PDE1C: variants seen among roughly 807,000 people sequenced by gnomAD.
PDE1C encodes the protein phosphodiesterase 1C, also known as dual specificity calcium/calmodulin-dependent 3',5'-cyclic nucleotide phosphodiesterase 1C.
A neutral mutation model predicts 93.1 loss-of-function variants in PDE1C; 62 were observed. The observed-to-expected ratio is 0.67, with a 90% CI of 0.54 to 0.82. The LOEUF is 0.82. Among genes scored for constraint, PDE1C ranks in the 40% least tolerant of loss-of-function variants. PDE1C has a pLI of 0.00. For synonymous variants in PDE1C, 325 were observed against 310.1 expected (o/e 1.05, Z -0.50); for missense variants, 742 against 884.6 (o/e 0.84, Z 2.04).
chr7:32,350,560 A>AG (rs1562686433), intron 1 of PDE1C, among the ~76,000 whole-genome samples: 46 of 814 alleles, frequency 0.057, 22 homozygotes, highest in Non-Finnish European at 0.15. Flanking sequence ...ATATATATAT[A>AG]TATATATATA....
At chr7:32,126,536 G>T (rs1041069203) in intron 3 of PDE1C, among the ~76,000 whole-genome samples, 3 of 152,080 alleles carry the variant, frequency 2.0e-5, no homozygotes. Flanking sequence ...AAATAACACA[G>T]GATCTATGAA....
rs115129512 is a variant in PDE1C, at chr7:32,204,837, T to G, written c.136+4652A>C. ...TCCCCGTTCTGACTCTCCCAGCTCC[T>G]CCTACCAATTGCTAGCATTTCCTTC... On this transcript the variant is annotated intron_variant, in intron 2 of 18. Coordinates refer to the PDE1C transcript ENST00000396193. Among the ~76,000 whole-genome samples the G allele has an allele frequency of 9.6e-3, 1,455 of 152,328 alleles. 32 individuals are homozygous for G. The highest frequency in any genetic ancestry group is 0.033 in the African/African-American group (1,364 of 41,578).
chr7:32,186,715 TC>T, intron 2 of PDE1C, among the ~76,000 whole-genome samples: 1 of 152,146 alleles, frequency 6.6e-6, no homozygotes, highest in African/African-American at 2.4e-5. Context: ...AACAGTATAG[TC>T]AGAGAGTATG....
At chr7:32,186,287 A>G (rs1315300141) in intron 2 of PDE1C, among the ~76,000 whole-genome samples, 2 of 151,850 alleles carry the variant, frequency 1.3e-5, no homozygotes, top group African/African-American at 4.8e-5. Context: ...TATTTTTAGT[A>G]GAGACGGGGT....
the PDE1C span, among the ~76,000 whole-genome samples, chr7:31,616,789 T>C: frequency 6.6e-6 from 1 of 151,850 alleles, no homozygotes; most frequent in Admixed American, 6.6e-5. Flanking sequence ...GGTTTCTAAA[T>C]TTCATTTTTT....
chr7:31,697,084 A>G, the PDE1C span: 3 of 1,614,140 alleles, frequency 1.9e-6, no homozygotes, highest in Non-Finnish European at 2.5e-6. Flanking sequence ...GAGAAAAGAC[A>G]CACCTGCCCT....
the PDE1C span, among the ~76,000 whole-genome samples, chr7:31,715,125 A>T: frequency 6.6e-6 from 1 of 152,228 alleles, no homozygotes; most frequent in East Asian, 1.9e-4. Context: ...TGGGTTCCTC[A>T]TGTAAAAATA....
chr7:31,644,313 T>G, the PDE1C span, among the ~76,000 whole-genome samples: 2 of 152,180 alleles, frequency 1.3e-5, no homozygotes, highest in African/African-American at 4.8e-5. Context: ...TTAAATTCGT[T>G]TAGCTATATA....
intron 3 of PDE1C, among the ~76,000 whole-genome samples, chr7:32,126,790 C>A (rs1484785475): frequency 6.6e-6 from 1 of 151,906 alleles, no homozygotes; most frequent in Non-Finnish European, 1.5e-5. Context: ...GGAAGACTTA[C>A]AAGAAAATAA....
At chr7:31,722,858 A>T in the PDE1C span, among the ~76,000 whole-genome samples, 1 of 152,278 alleles carries the variant, frequency 6.6e-6, no homozygotes, top group South Asian at 2.1e-4. Context: ...TTATCCCTCC[A>T]GTTCGTTTTC....
chr7:32,098,818 A>G (rs2128749221), intron 3 of PDE1C, among the ~76,000 whole-genome samples: 1 of 152,198 alleles, frequency 6.6e-6, no homozygotes, highest in South Asian at 2.1e-4. Context: ...TATATTTGAA[A>G]TTTTTCATTT....
intron 1 of PDE1C, among the ~76,000 whole-genome samples, chr7:32,407,104 C>T (rs1036953969): frequency 5.9e-5 from 9 of 152,154 alleles, no homozygotes; most frequent in South Asian, 2.1e-4. Context: ...TGAAACCCTG[C>T]CTCTACTAAA....
intron 1 of PDE1C, among the ~76,000 whole-genome samples, chr7:32,266,426 G>A (rs1810577872): frequency 6.6e-6 from 1 of 151,582 alleles, no homozygotes; most frequent in African/African-American, 2.4e-5. Flanking sequence ...GCTTGAACAC[G>A]GGAGGCAGAG....
At chr7:31,778,085 C>T (rs919916581) in intron 16 of PDE1C, among the ~76,000 whole-genome samples, 9 of 152,278 alleles carry the variant, frequency 5.9e-5, no homozygotes, top group East Asian at 5.8e-4. Context: ...GTGATTCCAA[C>T]GATGATCTTG....
chr7:32,411,519 G>A (rs919549492), intron 1 of PDE1C, among the ~76,000 whole-genome samples: 5 of 152,158 alleles, frequency 3.3e-5, no homozygotes, highest in Non-Finnish European at 4.4e-5. Flanking sequence ...GATTTTAAAC[G>A]ATACACCTGT....
intron 2 of PDE1C, among the ~76,000 whole-genome samples, chr7:32,045,083 G>A (rs970292090): frequency 2.8e-4 from 3 of 10,608 alleles, no homozygotes; most frequent in African/African-American, 7.4e-4. Context: ...TCCCCCCACC[G>A]ACTCCTGCTG....
chr7:31,847,921 A>G (rs762382378), intron 9 of PDE1C, 47 bp downstream of exon 9: 1 of 1,605,860 alleles, frequency 6.2e-7, no homozygotes, highest in Admixed American at 1.7e-5. Context: ...ATCCAACTTC[A>G]AAGTTCCTTC....
the PDE1C span, among the ~76,000 whole-genome samples, chr7:31,731,269 A>G: frequency 1.3e-5 from 2 of 152,042 alleles, no homozygotes; most frequent in African/African-American, 4.8e-5. Flanking sequence ...TGTAGGTGCC[A>G]AAGTGGGGCT....
intron 2 of PDE1C, among the ~76,000 whole-genome samples, chr7:31,940,146 T>C (rs1399771799): frequency 6.6e-6 from 1 of 152,186 alleles, no homozygotes; most frequent in Non-Finnish European, 1.5e-5. Context: ...GAAACTATTT[T>C]AAAGTAGTAA....
Sources: allele counts gnomAD v4.1 joint callset (sites outside exome capture counted in the v4.1 genomes callset), GRCh38; gene constraint gnomAD v4.1.1; transcripts MANE v1.5; gene names NCBI Gene and HGNC (gene_info 2026-07-23, HGNC 2026-07-21).